Variants in TMPRSS15 observed in about 807,000 individuals in gnomAD.
TMPRSS15 encodes the protein enteropeptidase.
A neutral mutation model predicts 125.3 loss-of-function variants in TMPRSS15; 128 were observed. The ratio of observed to expected loss-of-function variants is 1.02; its 90% confidence interval spans 0.89 to 1.18. The LOEUF is 1.18. TMPRSS15 is among the 50% of genes most tolerant of loss of function. The pLI is 0.00. For synonymous variants in TMPRSS15, 446 were observed against 423.2 expected (o/e 1.05, Z -0.66); for missense variants, 1,283 against 1,212.7 (o/e 1.06, Z -0.86).
At chr21:18,380,160 G>A (rs2075877913) in intron 4 of TMPRSS15, among the ~76,000 whole-genome samples, 3 of 126,898 alleles carry the variant, frequency 2.4e-5, no homozygotes, top group Non-Finnish European at 1.6e-5. Flanking sequence ...AGCCGTTTAT[G>A]GAGATGTCAC....
intron 1 of TMPRSS15, among the ~76,000 whole-genome samples, chr21:18,457,645 C>A (rs1277292194): frequency 6.6e-6 from 1 of 152,000 alleles, no homozygotes; most frequent in Non-Finnish European, 1.5e-5. Context: ...TTTGTTTCTG[C>A]AAGAAGATAA....
At chr21:18,447,794 G>C (rs761509501) in intron 1 of TMPRSS15, among the ~76,000 whole-genome samples, 1 of 152,108 alleles carries the variant, frequency 6.6e-6, no homozygotes, top group Non-Finnish European at 1.5e-5. Flanking sequence ...CCTTGTTAAA[G>C]TGTGAGTTCG....
intron 22 of TMPRSS15, among the ~76,000 whole-genome samples, chr21:18,279,398 T>G (rs2146866374): frequency 7.4e-6 from 1 of 134,626 alleles, no homozygotes; most frequent in African/African-American, 2.7e-5. Flanking sequence ...CGATCTCAGC[T>G]CACTGCAAGC....
chr21:18,297,295 GGAAGA>G (rs1314109137), intron 19 of TMPRSS15, among the ~76,000 whole-genome samples: 4 of 152,126 alleles, frequency 2.6e-5, no homozygotes, highest in African/African-American at 9.7e-5. Flanking sequence ...TATTTGCCAA[GGAAGA>G]GAAAAGAATA....
intron 18 of TMPRSS15, among the ~76,000 whole-genome samples, chr21:18,311,882 G>C (rs907175471): frequency 6.6e-6 from 1 of 152,056 alleles, no homozygotes; most frequent in Admixed American, 6.6e-5. Flanking sequence ...TTGGGCATAT[G>C]TTTTTATAGA....
At chr21:18,445,739 C>A (rs149077449) in intron 1 of TMPRSS15, among the ~76,000 whole-genome samples, 1 of 152,112 alleles carries the variant, frequency 6.6e-6, no homozygotes, top group Non-Finnish European at 1.5e-5. Context: ...GCTAAAAAAG[C>A]GTTTGGTAAA....
intron 15 of TMPRSS15, among the ~76,000 whole-genome samples, chr21:18,328,262 A>G (rs1370558757): frequency 2.6e-5 from 4 of 152,272 alleles, no homozygotes; most frequent in African/African-American, 9.6e-5. Flanking sequence ...ATCAATAAAT[A>G]AAAAAGAAAA....
At chr21:18,352,740 CTGTT>C (rs1298856723) in intron 10 of TMPRSS15, among the ~76,000 whole-genome samples, 159 bp downstream of exon 10, 7 of 151,870 alleles carry the variant, frequency 4.6e-5, no homozygotes, top group Non-Finnish European at 1.0e-4. Context: ...TTTTACTTGC[CTGTT>C]TGATTACCAT....
chr21:18,294,981 T>A (rs1319558832), intron 19 of TMPRSS15, among the ~76,000 whole-genome samples: 1 of 152,200 alleles, frequency 6.6e-6, no homozygotes, highest in East Asian at 1.9e-4. Flanking sequence ...ATAAAACTAT[T>A]ACAGGGCCTT....
intron 1 of TMPRSS15, among the ~76,000 whole-genome samples, chr21:18,429,958 T>C (rs1439368058): frequency 6.6e-6 from 1 of 152,242 alleles, no homozygotes; most frequent in Non-Finnish European, 1.5e-5. Context: ...AATTTAAATA[T>C]AGTTTTAATT....
At chr21:18,281,471 T>C (rs1456471013) in intron 21 of TMPRSS15, among the ~76,000 whole-genome samples, 1 of 152,210 alleles carries the variant, frequency 6.6e-6, no homozygotes, top group Admixed American at 6.5e-5. Flanking sequence ...TTCTAGATTG[T>C]GGTTCTCAAC....
intron 1 of TMPRSS15, among the ~76,000 whole-genome samples, chr21:18,441,113 T>G (rs1333998297): frequency 6.6e-6 from 1 of 150,800 alleles, no homozygotes; most frequent in African/African-American, 2.4e-5. Flanking sequence ...ACCAATATGA[T>G]GAAATCCTGT....
chr21:18,378,535 T>G (rs2075864148), intron 5 of TMPRSS15, among the ~76,000 whole-genome samples: 1 of 152,154 alleles, frequency 6.6e-6, no homozygotes, highest in Non-Finnish European at 1.5e-5. Context: ...GAATGGCTTT[T>G]ATAATTTTAC....
At chr21:18,427,670 G>A (rs2076206136) in intron 1 of TMPRSS15, among the ~76,000 whole-genome samples, 1 of 152,092 alleles carries the variant, frequency 6.6e-6, no homozygotes. Context: ...GTTTACCTAA[G>A]AAATATACTT....
intron 1 of TMPRSS15, among the ~76,000 whole-genome samples, chr21:18,439,337 CAG>C (rs1373719470): frequency 2.0e-5 from 3 of 152,052 alleles, no homozygotes; most frequent in Non-Finnish European, 2.9e-5. Flanking sequence ...AAGATTTACC[CAG>C]AGATATTCAT....
At chr21:18,460,949 A>T (rs986278900) in intron 1 of TMPRSS15, among the ~76,000 whole-genome samples, 1 of 152,110 alleles carries the variant, frequency 6.6e-6, no homozygotes, top group Non-Finnish European at 1.5e-5. Context: ...ATTATATACT[A>T]TTTTTATTTG....
At chr21:18,451,892 G>T (rs1319559652) in intron 1 of TMPRSS15, among the ~76,000 whole-genome samples, 3 of 123,958 alleles carry the variant, frequency 2.4e-5, no homozygotes, top group Non-Finnish European at 5.2e-5. Context: ...AGACATGCAT[G>T]ACATGCATGC....
At chr21:18,482,464 A>G (rs1568739569) in intron 1 of TMPRSS15, among the ~76,000 whole-genome samples, 1 of 151,634 alleles carries the variant, frequency 6.6e-6, no homozygotes, top group African/African-American at 2.4e-5. Flanking sequence ...CACAAATGAT[A>G]AACACTCAAA....
upstream of TMPRSS15, among the ~76,000 whole-genome samples, chr21:18,405,209 C>A (rs1204226964): frequency 6.6e-6 from 1 of 152,134 alleles, no homozygotes; most frequent in Non-Finnish European, 1.5e-5. Context: ...CTGCTTCAAG[C>A]ATAGCATGGA....
Sources: allele counts gnomAD v4.1 joint callset (sites outside exome capture counted in the v4.1 genomes callset), GRCh38; gene constraint gnomAD v4.1.1; transcripts MANE v1.5; gene names NCBI Gene and HGNC (gene_info 2026-07-23, HGNC 2026-07-21).